Variants in COPB2 observed in about 807,000 individuals in gnomAD.
COPB2 encodes coatomer subunit beta'.
COPB2 carries 16 observed loss-of-function variants against 120.8 expected under a neutral mutation model. The ratio of observed to expected loss-of-function variants is 0.13; its 90% CI spans 0.09 to 0.20. The LOEUF is 0.20. Ranked by LOEUF, COPB2 falls within the 10% of genes least tolerant of loss-of-function variation. The pLI is 1.00. For synonymous variants in COPB2, 332 were observed against 366.3 expected, an observed-to-expected ratio of 0.91 and a Z score of 1.07; for missense variants, 794 against 1,076.5, an observed-to-expected ratio of 0.74 and a Z score of 3.67.
In COPB2 at chr3:139,375,649, G is replaced by A. The variant is rs1941699736; in HGVS notation, c.505-35C>T. ...GAAACAGCATCGGCCAGTCAATATG[G>A]GGCCTTGCTTTACAAAAGGCAAATC... On this transcript the variant is annotated intron_variant, in intron 5 of 21. Coordinates refer to ENST00000333188, the MANE Select transcript of COPB2 (RefSeq NM_004766.3). 6 of 1,598,946 alleles carry A rather than the reference G, an allele frequency of 3.8e-6. No individual in the cohort carries two copies. In the South Asian group the frequency reaches 4.5e-5, roughly 12 times the overall value.
chr3:139,362,377 A>C (rs777373151), intron 16 of COPB2, 30 bp downstream of exon 16: 4 of 1,499,318 alleles, frequency 2.7e-6, no homozygotes, highest in African/African-American at 2.8e-5. Flanking sequence ...CTTTTCCATC[A>C]GTTATGAAAA....
chr3:139,359,450 G>T, intron 17 of COPB2, 88 bp from the exon 18 acceptor site: 1 of 1,214,830 alleles, frequency 8.2e-7, no homozygotes, highest in Non-Finnish European at 1.2e-6. Context: ...GTGTTACAAA[G>T]CCAAAAATCT....
At chr3:139,370,540 T>C (rs946896903) in intron 10 of COPB2, among the ~76,000 whole-genome samples, 3 of 152,270 alleles carry the variant, frequency 2.0e-5, no homozygotes, top group African/African-American at 4.8e-5. Flanking sequence ...TTCTGTCTTC[T>C]GTAAATTATA....
intron 9 of COPB2, 132 bp from the exon 10 acceptor site, chr3:139,371,965 A>G: frequency 1.6e-6 from 1 of 643,518 alleles, no homozygotes; most frequent in Middle Eastern, 2.6e-4. Context: ...ACAATTTAAC[A>G]TCTTTTAAAA....
intron 15 of COPB2, 64 bp downstream of exon 15, chr3:139,366,504 C>T (rs1026399033): frequency 7.6e-6 from 11 of 1,438,908 alleles, no homozygotes; most frequent in Non-Finnish European, 9.5e-6. Context: ...TTTTCAACTC[C>T]ATAATAATTT....
rs528388533 is a variant in COPB2, at chr3:139,367,993, G to A, written c.1545+152C>T. ...TTTTAAATTTTGATCTATGAGTTAC[G>A]ATTTTAATTTTTCACATTTCACCAG... On this transcript the variant is annotated intron_variant, in intron 13 of 21. Transcript: ENST00000333188. 5.8e-4 allele frequency: 436 copies of A among 751,628 alleles called. 1 individual carries two copies. Among genetic ancestry groups the A allele is most frequent in the Admixed American group, 7.8e-4 (20 of 25,554 alleles). 46.6% of individuals were successfully genotyped at this position (751,628 alleles called of 1,614,324 possible). A position where few individuals can be genotyped will look rare whatever the true frequency, so the allele number is the denominator to read the frequency against.
rs768558522 is a variant in COPB2 at position 139,359,145 on chromosome 3, T to C, written c.2337A>G (p.Lys779=). The C allele has an allele frequency of 2.5e-6, 4 of 1,613,934 alleles. No individual in the cohort carries two copies. The highest frequency in any genetic ancestry group is 1.7e-5 in the Admixed American group (1 of 59,976). The part of the protein sequence containing the change: ...VVKLWRENLS[K]VNQKAAESLA... ...GGGATTCTGCTGCTTTCTGATTGAC[T>C]TTTGAGAGATTCTCTCTCCAGAGTT... is the stretch of plus-strand genomic sequence containing the variant. The change falls in exon 19 of 22, where the codon AAA becomes AAG. Residue 779 remains lysine, a synonymous_variant. Coordinates refer to ENST00000333188, the MANE Select transcript of COPB2 (RefSeq NM_004766.3).
rs375298424 is a variant in COPB2, at chr3:139,368,142, T to G, written c.1545+3A>C. On this transcript the variant is annotated splice_donor_region_variant and intron_variant, in intron 13 of 21. Transcript: ENST00000333188. The stretch of plus-strand genomic sequence containing the variant: ...AAAGCGAAAGTTGTGCTGATGCAAT[T>G]ACCTCAAAGGCATCTTCAATGCCAT... 1 of 1,608,298 alleles carries G rather than the reference T, an allele frequency of 6.2e-7. No individual in the cohort carries two copies. Among genetic ancestry groups the G allele is most frequent in the Non-Finnish European group, 8.5e-7 (1 of 1,178,160 alleles).
intron 12 of COPB2, 66 bp downstream of exon 12, chr3:139,369,195 C>T (rs1306398489): frequency 6.4e-6 from 8 of 1,259,236 alleles, no homozygotes; most frequent in Non-Finnish European, 9.0e-6. Context: ...CACTTCTTGG[C>T]CTTAGGGACC....
At chr3:139,370,635 GGCCTCT>G (rs898312331) in intron 10 of COPB2, among the ~76,000 whole-genome samples, 5 of 152,282 alleles carry the variant, frequency 3.3e-5, no homozygotes, top group Non-Finnish European at 5.9e-5. Flanking sequence ...CTTATATTCA[GGCCTCT>G]GCCTTGAAAA....
chr3:139,367,226 A>G (rs1941533177), intron 13 of COPB2, 81 bp from the exon 14 acceptor site: 6 of 1,444,398 alleles, frequency 4.2e-6, no homozygotes, highest in Non-Finnish European at 5.6e-6. Context: ...TCTGAGGGTG[A>G]TATGGCAGAA....
Position 139,372,004 on chromosome 3 carries a change from CA to C in COPB2, c.1095-172del, listed in dbSNP as rs1243987150. Among the ~76,000 whole-genome samples the C allele has an allele frequency of 4.0e-5, 6 of 151,720 alleles. No individual in the cohort carries two copies. The East Asian group carries it at 1.2e-3, about 29-fold the overall frequency. On this transcript the variant is annotated intron_variant, in intron 9 of 21. Transcript: ENST00000333188. ...ATACATTTCTTTGAATACAAAGTTA[CA>C]AAAAAAATTCTAGCCAACAAATTGA...
rs544533910 is a variant in COPB2, at chr3:139,374,513, T to C, written c.727A>G (p.Ile243Val). 89 of 1,613,894 alleles carry C rather than the reference T, an allele frequency of 5.5e-5. No homozygotes were observed. The East Asian group carries it at 6.7e-4, about 12-fold the overall frequency. Residue 243 changes from isoleucine to valine, a missense_variant, in exon 7 of 22, where the codon ATC (isoleucine) becomes GTC (valine). This residue lies in a region of COPB2 where 610 missense variants were observed against 866.7 expected (regional missense o/e 0.70). Coordinates refer to ENST00000333188, the MANE Select transcript of COPB2 (RefSeq NM_004766.3). ...CCATCTTCTGAACCTGTGATAATGA[T>C]TGGCAACTCAGGATGAAAGCTGGCA... The part of the protein sequence containing the change: ...SCASFHPELP[I>V]IITGSEDGTV...
intron 1 of COPB2, 41 bp from the exon 2 acceptor site, chr3:139,383,476 T>A (rs1941852501): frequency 6.8e-7 from 1 of 1,479,124 alleles, no homozygotes; most frequent in African/African-American, 1.4e-5. Context: ...CTAAGCCAAA[T>A]AAAATATGTT....
rs1941439311 is a variant in COPB2, at chr3:139,362,473, A to G, written c.1929T>C (p.His643=). Reference sequence around the variant, plus strand: ...CAAGCTGAAGAGCAAGCTCAAAACGATGCTCAGGATCTGTGGATACTGTAA... The same window carrying G: ...CAAGCTGAAGAGCAAGCTCAAAACGGTGCTCAGGATCTGTGGATACTGTAA... ...QALTVSTDPE[H]RFELALQLGE... is the part of the protein sequence containing the mutation. The change falls in exon 16 of 22, where the codon CAT becomes CAC. Residue 643 remains histidine (H), a synonymous_variant. Transcript: ENST00000333188. 6.2e-7 allele frequency: 1 copy of G among 1,612,854 alleles called. No individual in the cohort carries two copies. The highest frequency in any genetic ancestry group is 2.2e-5 in the East Asian group (1 of 44,786).
At position 139,369,465 on chromosome 3, in the gene COPB2, C is replaced by T. The variant is rs1941583489; in HGVS notation, c.1285G>A (p.Gly429Arg). 6.2e-7 allele frequency: 1 copy of T among 1,611,058 alleles called. No individual in the cohort carries two copies. The highest frequency in any genetic ancestry group is 1.3e-5 in the African/African-American group (1 of 74,780). ...TGTAGATCACACTCACTTTCTGCTC[C>T]AAAATCTGGTTTAAATGATTTTTTT... ...KEKKSFKPDF[G>R]AESIYGGFLL... Residue 429 changes from glycine to arginine, a missense_variant, in exon 11 of 22, where the codon GGA becomes AGA. Gly to Arg is a moderately radical substitution (Grantham distance 125). Transcript: ENST00000333188.
rs185591728 is a variant in COPB2 at position 139,368,152 on chromosome 3, G to T, written c.1538C>A (p.Ala513Asp). The T allele has an allele frequency of 1.2e-6, 2 of 1,612,406 alleles. No individual in the cohort carries two copies. Among genetic ancestry groups the T allele is most frequent in the South Asian group, 1.1e-5 (1 of 90,738 alleles). ...EGVTEDGIEDAFEVLGEIQEI... is the reference protein window; with the variant it reads ...EGVTEDGIEDDFEVLGEIQEI... ...TTGTGCTGATGCAATTACCTCAAAG[G>T]CATCTTCAATGCCATCTTCAGTAAC... Residue 513 changes from alanine (A) to aspartate (D), a missense_variant, in exon 13 of 22, where the codon GCC (alanine) becomes GAC (aspartate). Ala to Asp is a moderately radical substitution (Grantham distance 126, BLOSUM62 -2). Around this residue, in one of 3 missense-constraint regions of COPB2, gnomAD observed 610 missense variants for 866.7 expected, o/e 0.70. Transcript: ENST00000333188.
At chr3:139,375,446 G>A (rs751002960) in intron 6 of COPB2, 22 bp downstream of exon 6, 1 of 1,606,004 alleles carries the variant, frequency 6.2e-7, no homozygotes, top group Non-Finnish European at 8.5e-7. Flanking sequence ...ACATATGGAA[G>A]TAAGGTTATG....
At position 139,357,673 on chromosome 3, in the gene COPB2, C is replaced by T. The variant is rs1283282405; in HGVS notation, c.*190G>A. 3 of 417,794 alleles carry T rather than the reference C, an allele frequency of 7.2e-6. No homozygotes were observed. Among genetic ancestry groups the T allele is most frequent in the African/African-American group, 6.2e-5 (3 of 48,556 alleles). 25.9% of individuals were successfully genotyped at this position (417,794 alleles called of 1,614,324 possible). A position where few individuals can be genotyped will look rare whatever the true frequency, so the allele number is the denominator to read the frequency against. On this transcript the variant is annotated 3_prime_UTR_variant, in exon 22 of 22. Transcript: ENST00000333188. ...TGTCTGTTTTAGTTAACAAGGAAAA[C>T]ACAGTGATTTAAATGCTGCACATAA...
Sources: allele counts gnomAD v4.1 joint callset (sites outside exome capture counted in the v4.1 genomes callset), GRCh38; gene constraint gnomAD v4.1.1; regional missense constraint gnomAD v4.1.1; transcripts MANE v1.5; gene names NCBI Gene and HGNC (gene_info 2026-07-23, HGNC 2026-07-21).